MAPK8IP3: variants seen among roughly 807,000 people sequenced by gnomAD.
MAPK8IP3 encodes C-Jun-amino-terminal kinase-interacting protein 3.
A neutral mutation model predicts 157.8 loss-of-function variants in MAPK8IP3; 49 were observed. The observed-to-expected ratio is 0.31, with a 90% CI of 0.25 to 0.39. The LOEUF (loss-of-function observed/expected upper bound fraction) is 0.39, where lower values mean the gene tolerates loss of function less well. Ranked by LOEUF, MAPK8IP3 falls within the 10% of genes least tolerant of loss-of-function variation. The pLI is 1.00. For synonymous variants in MAPK8IP3, 897 were observed against 777.7 expected (o/e 1.15, Z -2.55); for missense variants, 1,478 against 1,889.4 (o/e 0.78, Z 4.04).
At chr16:1,709,946 G>A (rs781215591) in intron 1 of MAPK8IP3, among the ~76,000 whole-genome samples, 5 of 152,194 alleles carry the variant, frequency 3.3e-5, no homozygotes, top group Non-Finnish European at 7.3e-5. Context: ...AGCTGGAGTG[G>A]GTGTTCTCTC....
chr16:1,760,435 G>A lies in MAPK8IP3; in HGVS notation c.1360G>A (p.Gly454Arg), dbSNP rs527660989. 6 of 1,613,958 alleles carry A rather than the reference G, an allele frequency of 3.7e-6. No individual in the cohort carries two copies. Among genetic ancestry groups the A allele is most frequent in the South Asian group, 1.1e-5 (1 of 91,078 alleles). ...DLIAKVDQLSGEQEVLRGELE... is the reference protein window; with the variant it reads ...DLIAKVDQLSREQEVLRGELE... ...GATTGCCAAGGTCGACCAGCTGTCC[G>A]GGGAGCAGGAGGTGCTGAGGGGCGA... The change falls in exon 12 of 32, where the codon GGG becomes AGG. Residue 454 changes from glycine to arginine, a missense_variant. Coordinates refer to ENST00000610761, the MANE Select transcript of MAPK8IP3 (RefSeq NM_001318852.2).
intron 5 of MAPK8IP3, chr16:1,744,454 C>T: frequency 6.1e-6 from 6 of 985,832 alleles, no homozygotes; most frequent in Non-Finnish European, 7.2e-6. Context: ...TGCTGCGCTG[C>T]TCTGGGAGCG....
intron 8 of MAPK8IP3, chr16:1,752,364 C>T (rs542012507): frequency 1.2e-5 from 3 of 247,424 alleles, no homozygotes; most frequent in Admixed American, 1.1e-4. Context: ...TGGGCATCGC[C>T]GAGCTCAGGC....
rs1389488044 is a variant in MAPK8IP3, at chr16:1,736,010, G to A, written c.602+6432G>A. Among the ~76,000 whole-genome samples the A allele has an allele frequency of 2.1e-5, 3 of 143,110 alleles. No homozygotes were observed. The East Asian group carries it at 6.6e-4, about 31-fold the overall frequency. 93.9% of individuals were successfully genotyped at this position (143,110 alleles called of 152,430 possible). A position where few individuals can be genotyped will look rare whatever the true frequency, so the allele number is the denominator to read the frequency against. On this transcript the variant is annotated intron_variant, in intron 4 of 31. Transcript: ENST00000610761. ...TGTGAGCATCCGTGTGACCGTCCAT[G>A]TGAGAGTGTGACCGTCCATGTGAGC...
chr16:1,716,571 A>G (rs1425689320), intron 1 of MAPK8IP3, among the ~76,000 whole-genome samples: 1 of 152,004 alleles, frequency 6.6e-6, no homozygotes, highest in East Asian at 1.9e-4. Flanking sequence ...CTGGGATTAC[A>G]GGAGTAAGCC....
At chr16:1,715,122 C>T (rs528914432) in intron 1 of MAPK8IP3, among the ~76,000 whole-genome samples, 5 of 152,134 alleles carry the variant, frequency 3.3e-5, no homozygotes, top group Admixed American at 1.3e-4. Context: ...GAAATCAGTT[C>T]GTATTCAACC....
rs2042088432 is a variant in MAPK8IP3, at chr16:1,763,785, TGCGGGCGGGCGCTGCGGGGACCGG to T, written c.2025+8_2025+31del. On this transcript the variant is annotated splice_donor_5th_base_variant and intron_variant, in intron 17 of 31. Transcript: ENST00000610761. Reference sequence around the variant, plus strand: ...AGCCTGCCCGCCAAGTACAAGCAGGTGCGGGCGGGCGCTGCGGGGACCGGGCGGGGCCCCGCAGAGGCGGGGCGG... The same window carrying T: ...AGCCTGCCCGCCAAGTACAAGCAGGTGCGGGGCCCCGCAGAGGCGGGGCGG... 7.3e-7 allele frequency: 1 copy of T among 1,366,318 alleles called. No individual in the cohort carries two copies. Among genetic ancestry groups the T allele is most frequent in the Non-Finnish European group, 9.7e-7 (1 of 1,035,128 alleles). The allele number at this position is 1,366,318 out of a possible 1,614,324, so 84.6% of individuals were successfully genotyped here. A position where few individuals can be genotyped will look rare whatever the true frequency, so the allele number is the denominator to read the frequency against.
At chr16:1,729,784 A>G (rs1325708139) in intron 4 of MAPK8IP3, among the ~76,000 whole-genome samples, 1 of 152,072 alleles carries the variant, frequency 6.6e-6, no homozygotes, top group African/African-American at 2.4e-5. Context: ...GGCGACGGAC[A>G]TGTGTCGAGC....
intron 4 of MAPK8IP3, among the ~76,000 whole-genome samples, chr16:1,737,282 G>A (rs1421884431): frequency 9.4e-6 from 1 of 106,912 alleles, no homozygotes; most frequent in African/African-American, 4.1e-5. Context: ...GAGCGTCCGT[G>A]TGAGTGTGAC....
At chr16:1,737,421 CGTCCGTGTG>C (rs2040054260) in intron 4 of MAPK8IP3, among the ~76,000 whole-genome samples, 1 of 95,846 alleles carries the variant, frequency 1.0e-5, no homozygotes. Context: ...TCCGTGTGAG[CGTCCGTGTG>C]AGTGTGTGAG....
rs761312968 is a variant in MAPK8IP3 at position 1,765,960 on chromosome 16, C to T, written c.2447C>T (p.Ala816Val). The T allele has an allele frequency of 7.5e-6, 12 of 1,608,848 alleles. No individual in the cohort carries two copies. The highest frequency in any genetic ancestry group is 6.7e-5 in the Admixed American group (4 of 59,634). The change falls in exon 21 of 32, where the codon GCG becomes GTG. Residue 816 changes from alanine (A) to valine (V), a missense_variant and splice_region_variant. This residue lies in a region of MAPK8IP3 where 669 missense variants were observed against 759.8 expected (regional missense o/e 0.88). Transcript: ENST00000610761. ...GCTGACGGGCCGTCCCTCTCCCCAG[C>T]GGCCAGCGACAGCGACTACCCTCCC... ...AHVLCISSIP[A>V]ASDSDYPPGE...
intron 1 of MAPK8IP3, among the ~76,000 whole-genome samples, chr16:1,713,345 A>C (rs2037920771): frequency 6.6e-6 from 1 of 152,122 alleles, no homozygotes; most frequent in Admixed American, 6.6e-5. Context: ...CAGCCTCCCG[A>C]ATAGCTGGGA....
In MAPK8IP3 at chr16:1,724,838, T is replaced by G. The variant is rs73501642; in HGVS notation, c.439+161T>G. On this transcript the variant is annotated intron_variant, in intron 2 of 31. Coordinates refer to ENST00000610761, the MANE Select transcript of MAPK8IP3 (RefSeq NM_001318852.2). The surrounding 1 kb of genome is among the most constrained non-coding windows in gnomAD (Gnocchi z 4.1). ...AGCTCTTTGTACTGCTGCCTGTTTCTGTAATGGGCCCCAGATTGTGTGTGG... is the reference window on the plus strand; with the variant it reads ...AGCTCTTTGTACTGCTGCCTGTTTCGGTAATGGGCCCCAGATTGTGTGTGG... Among the ~76,000 whole-genome samples, 1,734 of 152,360 alleles carry G rather than the reference T, an allele frequency of 0.011. 30 individuals are homozygous for G. Among genetic ancestry groups the G allele is most frequent in the African/African-American group, 0.04 (1,655 of 41,580 alleles).
At chr16:1,748,754 T>C in intron 8 of MAPK8IP3, 34 bp downstream of exon 8, 1 of 1,540,428 alleles carries the variant, frequency 6.5e-7, no homozygotes, top group Non-Finnish European at 9.0e-7. Context: ...CCGCTGTGCC[T>C]GCACAATGCT....
chr16:1,770,135 C>T lies in MAPK8IP3; in HGVS notation c.*1311C>T, dbSNP rs1403326447. ...AGCCGCTGCGCTGCCGGCTTCTCCC[C>T]ACCACCCTGCCACCTCCACTGTGAT... On this transcript the variant is annotated 3_prime_UTR_variant, in exon 32 of 32. Coordinates refer to ENST00000610761, the MANE Select transcript of MAPK8IP3 (RefSeq NM_001318852.2). 1 of 152,936 alleles carries T rather than the reference C, an allele frequency of 6.5e-6. No homozygotes were observed. The highest frequency in any genetic ancestry group is 2.4e-5 in the African/African-American group (1 of 41,470). The allele number at this position is 152,936 out of a possible 1,614,324, so 9.5% of individuals were successfully genotyped here. A position where few individuals can be genotyped will look rare whatever the true frequency, so the allele number is the denominator to read the frequency against.
In MAPK8IP3 at chr16:1,762,570, G is replaced by C. The variant is rs1031431782; in HGVS notation, c.1670+89G>C. 1.9e-6 allele frequency: 3 copies of C among 1,576,146 alleles called. No homozygotes were observed. The East Asian group carries it at 6.7e-5, about 35-fold the overall frequency. The stretch of plus-strand genomic sequence containing the variant: ...CCTCCTCTGCACCTCCCTGTCTTCT[G>C]GGGGGACTGAAGTGCGCTGGGTGCT... On this transcript the variant is annotated intron_variant, in intron 14 of 31. Coordinates refer to ENST00000610761, the MANE Select transcript of MAPK8IP3 (RefSeq NM_001318852.2).
chr16:1,725,662 A>G (rs1157603690), intron 2 of MAPK8IP3, among the ~76,000 whole-genome samples: 1 of 151,864 alleles, frequency 6.6e-6, no homozygotes, highest in Non-Finnish European at 1.5e-5. Flanking sequence ...AGAAGAAGTG[A>G]TGATTTCCTG....
chr16:1,768,259 A>G lies in MAPK8IP3; in HGVS notation c.3623A>G (p.Tyr1208Cys), dbSNP rs2042395600. The G allele has an allele frequency of 6.2e-7, 1 of 1,612,146 alleles. No homozygotes were observed. The highest frequency in any genetic ancestry group is 1.3e-5 in the African/African-American group (1 of 74,918). The change falls in exon 30 of 32, where the codon TAT becomes TGT. Residue 1208 changes from tyrosine to cysteine, a missense_variant. Transcript: ENST00000610761. ...CGTCCCGGGGGCATCATCCACGTGT[A>G]TGGCGATGACAGCAGTGACAGGGCG... ...GARPGGIIHV[Y>C]GDDSSDRAAS...
intron 8 of MAPK8IP3, chr16:1,752,421 T>A (rs2041345768): frequency 1.4e-5 from 4 of 293,174 alleles, no homozygotes; most frequent in Non-Finnish European, 2.7e-5. Context: ...TTGGTGCCTT[T>A]CCAGAGCCTT....
Sources: allele counts gnomAD v4.1 joint callset (sites outside exome capture counted in the v4.1 genomes callset), GRCh38; gene constraint gnomAD v4.1.1; regional missense constraint gnomAD v4.1.1; non-coding constraint Gnocchi (gnomAD v3.1); transcripts MANE v1.5; gene names NCBI Gene and HGNC (gene_info 2026-07-23, HGNC 2026-07-21).